GPC6: variants seen among roughly 807,000 people sequenced by gnomAD.
GPC6 encodes glypican 6.
In GPC6, 14 loss-of-function variants were observed where a neutral mutation model predicts 55.2. That is an observed-to-expected ratio of 0.25 (90% CI 0.17 to 0.40). The LOEUF (loss-of-function observed/expected upper bound fraction) is 0.40, where lower values mean the gene tolerates loss of function less well. GPC6 is among the 10% of genes least tolerant of loss of function. GPC6 has a pLI of 1.00. For missense variants in GPC6, 641 were observed against 708.5 expected, an observed-to-expected ratio of 0.90 and a Z score of 1.08; for synonymous variants, 278 against 259.6, an observed-to-expected ratio of 1.07 and a Z score of -0.68.
intron 4 of GPC6, among the ~76,000 whole-genome samples, chr13:94,134,087 C>T (rs949083214): frequency 6.6e-5 from 10 of 152,110 alleles, no homozygotes; most frequent in African/African-American, 9.7e-5. Context: ...TGAGGTTAAA[C>T]GCTAATATTT....
chr13:93,293,101 A>G (rs1281686988), intron 1 of GPC6, among the ~76,000 whole-genome samples: 1 of 150,922 alleles, frequency 6.6e-6, no homozygotes, highest in Non-Finnish European at 1.5e-5. Flanking sequence ...TCCCACCTCC[A>G]TCTCCCAAGT....
chr13:94,220,697 G>A (rs1157615945), intron 4 of GPC6, among the ~76,000 whole-genome samples: 1 of 152,080 alleles, frequency 6.6e-6, no homozygotes, highest in Non-Finnish European at 1.5e-5. Context: ...CTCTCTTCTA[G>A]TGATTGGTAG....
At chr13:94,256,342 G>A (rs889202170) in intron 4 of GPC6, among the ~76,000 whole-genome samples, 3 of 152,128 alleles carry the variant, frequency 2.0e-5, no homozygotes, top group African/African-American at 7.2e-5. Context: ...CAGAATGAGG[G>A]GACCCTTGAA....
chr13:93,970,091 A>C (rs1294734320), intron 3 of GPC6, among the ~76,000 whole-genome samples: 1 of 152,208 alleles, frequency 6.6e-6, no homozygotes, highest in Non-Finnish European at 1.5e-5. Context: ...GTTGCAGAAC[A>C]ATTTAAAAAA....
chr13:93,228,136 G>C (rs966616582), intron 1 of GPC6, among the ~76,000 whole-genome samples: 2 of 152,110 alleles, frequency 1.3e-5, no homozygotes, highest in Non-Finnish European at 2.9e-5. Context: ...CCGTCCTTCG[G>C]GCGACAGAGC....
At chr13:93,492,620 C>T (rs1265335221) in intron 1 of GPC6, among the ~76,000 whole-genome samples, 1 of 150,330 alleles carries the variant, frequency 6.7e-6, no homozygotes, top group South Asian at 2.1e-4. Flanking sequence ...GGGAATGCTT[C>T]TAGTTTTTGC....
intron 3 of GPC6, among the ~76,000 whole-genome samples, chr13:93,875,154 G>T (rs551966104): frequency 2.0e-5 from 3 of 151,864 alleles, no homozygotes; most frequent in African/African-American, 4.8e-5. Flanking sequence ...TTTGGTGAAG[G>T]CCCCTCAAGT....
intron 4 of GPC6, among the ~76,000 whole-genome samples, chr13:94,281,411 C>T (rs1302827623): frequency 1.3e-5 from 2 of 152,082 alleles, no homozygotes; most frequent in South Asian, 2.1e-4. Flanking sequence ...ATGTGTTCTC[C>T]CTGAATATCA....
At chr13:93,582,025 AGAC>A (rs1268371233) in intron 2 of GPC6, among the ~76,000 whole-genome samples, 2 of 152,226 alleles carry the variant, frequency 1.3e-5, no homozygotes, top group African/African-American at 2.4e-5. Context: ...ATGCAGAGAG[AGAC>A]GGTTCACATG....
intron 6 of GPC6, among the ~76,000 whole-genome samples, chr13:94,351,359 C>T (rs949838788): frequency 1.3e-5 from 2 of 152,016 alleles, no homozygotes; most frequent in Admixed American, 1.3e-4. Context: ...TAGAGTGAGT[C>T]CCCATGAGGT....
intron 2 of GPC6, among the ~76,000 whole-genome samples, chr13:93,552,466 T>TTCTCTGTC (rs1258060555): frequency 6.6e-6 from 1 of 150,492 alleles, no homozygotes; most frequent in East Asian, 2.0e-4. Context: ...TCCTCCTCCT[T>TTCTCTGTC]TCTCTGTCTC....
At chr13:93,986,498 A>G (rs1423583428) in intron 3 of GPC6, among the ~76,000 whole-genome samples, 1 of 152,202 alleles carries the variant, frequency 6.6e-6, no homozygotes, top group Non-Finnish European at 1.5e-5. Flanking sequence ...AACATTGCAG[A>G]TATTTGGGTA....
chr13:93,812,749 G>A (rs1886736400), intron 2 of GPC6, among the ~76,000 whole-genome samples: 1 of 152,110 alleles, frequency 6.6e-6, no homozygotes, highest in African/African-American at 2.4e-5. Flanking sequence ...ATAATAATTG[G>A]TAATTATATA....
chr13:93,707,353 G>A (rs1431012696), intron 2 of GPC6, among the ~76,000 whole-genome samples: 1 of 151,622 alleles, frequency 6.6e-6, no homozygotes, highest in Non-Finnish European at 1.5e-5. Context: ...GACTACATTT[G>A]TACTTCTGAA....
chr13:94,163,096 A>G (rs1888225270), intron 4 of GPC6, among the ~76,000 whole-genome samples: 1 of 152,194 alleles, frequency 6.6e-6, no homozygotes, highest in African/African-American at 2.4e-5. Context: ...CTCACCATCT[A>G]TTTATGACTT....
At chr13:94,172,417 G>T in intron 4 of GPC6, among the ~76,000 whole-genome samples, 1 of 152,100 alleles carries the variant, frequency 6.6e-6, no homozygotes, top group South Asian at 2.1e-4. Context: ...CCATTTTCAT[G>T]GTAATGTTTA....
At chr13:93,665,547 A>G (rs1452492983) in intron 2 of GPC6, among the ~76,000 whole-genome samples, 1 of 152,188 alleles carries the variant, frequency 6.6e-6, no homozygotes, top group Non-Finnish European at 1.5e-5. Context: ...CTTAGTGTTT[A>G]TATTGTAAGT....
chr13:93,817,183 C>G (rs150919952), intron 2 of GPC6, among the ~76,000 whole-genome samples: 2 of 152,088 alleles, frequency 1.3e-5, no homozygotes, highest in East Asian at 3.9e-4. Context: ...AAATGTAAGA[C>G]GTTGATGATA....
At chr13:94,065,141 G>A (rs934764354) in intron 4 of GPC6, among the ~76,000 whole-genome samples, 1 of 151,790 alleles carries the variant, frequency 6.6e-6, no homozygotes, top group East Asian at 1.9e-4. Context: ...ATCCTCACAC[G>A]GCTTTGTAGA....
Sources: gnomAD v4.1 joint callset for allele counts (sites outside exome capture counted in the v4.1 genomes callset) on GRCh38, gnomAD v4.1.1 for gene constraint, MANE v1.5 for transcripts, NCBI Gene and HGNC (gene_info 2026-07-23, HGNC 2026-07-21) for gene names.